The following SYNE2 variants were observed in gnomAD, a reference collection of about 807,000 sequenced individuals.
SYNE2 encodes the protein spectrin repeat containing nuclear envelope protein 2, also known as nesprin-2.
Under a neutral mutation model 856.3 loss-of-function variants are expected in SYNE2, and 431 were observed. The ratio of observed to expected loss-of-function variants is 0.50; its 90% CI spans 0.47 to 0.55. SYNE2 has a LOEUF of 0.55. SYNE2 is among the 20% of genes least tolerant of loss of function. The pLI, the probability that SYNE2 is intolerant of heterozygous loss-of-function variation, is 0.00. For missense variants in SYNE2, 8,129 were observed against 8,023.2 expected, an observed-to-expected ratio of 1.01 and a Z score of -0.50; for synonymous variants, 2,923 against 2,872.3, an observed-to-expected ratio of 1.02 and a Z score of -0.56.
intron 38 of SYNE2, chr14:64,023,468 T>TA (rs1172771055): frequency 1.3e-5 from 2 of 152,630 alleles, no homozygotes; most frequent in East Asian, 1.9e-4. Flanking sequence ...TCATATTTGA[T>TA]AAAAAATAAA....
intron 68 of SYNE2, 66 bp from the exon 69 acceptor site, chr14:64,121,946 G>C: frequency 6.2e-7 from 1 of 1,602,406 alleles, no homozygotes; most frequent in Non-Finnish European, 8.5e-7. Context: ...TCTCAGCAGA[G>C]GAAACTAGTG....
At chr14:64,215,976 C>G in intron 107 of SYNE2, 1 of 1,389,652 alleles carries the variant, frequency 7.2e-7, no homozygotes, top group Non-Finnish European at 9.4e-7. Context: ...CTCAGTGTCC[C>G]TACCACTCGA....
At position 64,159,444 on chromosome 14, in the gene SYNE2, T is replaced by C. The variant is rs745440923; in HGVS notation, c.16094+2T>C. ...GAAATGCCAAAATACTCATAAAAGGTATGCTTTCAGATATAATTTGAATGA... is the reference window on the plus strand; with the variant it reads ...GAAATGCCAAAATACTCATAAAAGGCATGCTTTCAGATATAATTTGAATGA... On this transcript the variant is annotated splice_donor_variant, in intron 87 of 115. Coordinates refer to ENST00000555002, the MANE Select transcript of SYNE2 (RefSeq NM_182914.3). LOFTEE classifies it high-confidence loss of function. 6.2e-7 allele frequency: 1 copy of C among 1,613,416 alleles called. No homozygotes were observed. The highest frequency in any genetic ancestry group is 2.2e-5 in the East Asian group (1 of 44,866).
chr14:63,975,638 C>A (rs2096536373), intron 11 of SYNE2, among the ~76,000 whole-genome samples: 2 of 152,154 alleles, frequency 1.3e-5, no homozygotes, highest in African/African-American at 4.8e-5. Context: ...CCAACCTGTA[C>A]ATGTATTTTT....
At chr14:64,024,001 T>C (rs1433218082) in intron 38 of SYNE2, 12 of 432,088 alleles carry the variant, frequency 2.8e-5, no homozygotes, top group Non-Finnish European at 4.8e-5. Context: ...GATAGGAAAA[T>C]GTAGCTGTCC....
chr14:64,100,531 A>AAAT (rs1491537041), intron 63 of SYNE2, among the ~76,000 whole-genome samples: 30 of 39,460 alleles, frequency 7.6e-4, no homozygotes, highest in Non-Finnish European at 7.0e-4. Context: ...AAAAAAAAAA[A>AAAT]ATATATATAT....
chr14:64,134,339 C>T (rs899380807), intron 78 of SYNE2, 139 bp downstream of exon 78: 4 of 937,662 alleles, frequency 4.3e-6, no homozygotes, highest in Non-Finnish European at 5.2e-6. Context: ...TGAATGTATT[C>T]AGGGAGACTA....
intron 103 of SYNE2, 71 bp downstream of exon 103, chr14:64,210,195 C>T (rs556311328): frequency 6.5e-7 from 1 of 1,541,588 alleles, no homozygotes; most frequent in South Asian, 1.2e-5. Flanking sequence ...CAATGGCAGG[C>T]TTGTGGCACA....
In SYNE2 at chr14:64,003,317, G is replaced by A; in HGVS notation, c.4384G>A (p.Ala1462Thr). 3 of 1,614,072 alleles carry A rather than the reference G, an allele frequency of 1.9e-6. No individual in the cohort carries two copies. The highest frequency in any genetic ancestry group is 2.5e-6 in the Non-Finnish European group (3 of 1,180,014). ...KIGLKDPTVP[A>T]VKHRKKSLIR... The stretch of plus-strand genomic sequence containing the variant: ...TGGTCTTAAGGATCCTACTGTTCCA[G>A]CTGTGAAACATCGGTAAGTATTGTC... The change falls in exon 30 of 116, where the codon GCT becomes ACT. Residue 1462 changes from alanine to threonine, a missense_variant. Around this residue, in one of 3 missense-constraint regions of SYNE2, gnomAD observed 2,422 missense variants for 2,357.4 expected, o/e 1.03. Coordinates refer to ENST00000555002, the MANE Select transcript of SYNE2 (RefSeq NM_182914.3).
intron 37 of SYNE2, 139 bp from the exon 38 acceptor site, chr14:64,022,610 CAA>C (rs2096943960): frequency 1.5e-6 from 1 of 684,086 alleles, no homozygotes; most frequent in Admixed American, 2.2e-5. Context: ...TATTAGCCCT[CAA>C]AATTGGGTTT....
rs373553226 is a variant in SYNE2 at position 63,945,388 on chromosome 14, G to A, written c.408+3245G>A. On this transcript the variant is annotated intron_variant, in intron 6 of 115. Coordinates refer to ENST00000555002, the MANE Select transcript of SYNE2 (RefSeq NM_182914.3). ...GTAGAGTCTTTAACACCATACAAAT[G>A]GAATTATAAATGTCTTCTCTTATGT... 4.6e-5 allele frequency among the ~76,000 whole-genome samples: 7 copies of A among 151,978 alleles called. No homozygotes were observed. The South Asian group carries it at 1.0e-3, about 23-fold the overall frequency.
rs2153627550 is a variant in SYNE2, at chr14:64,091,019, G to A, written c.11947G>A (p.Val3983Met). 6.2e-7 allele frequency: 1 copy of A among 1,614,094 alleles called. No individual in the cohort carries two copies. The highest frequency in any genetic ancestry group is 8.5e-7 in the Non-Finnish European group (1 of 1,179,958). Residue 3983 changes from valine to methionine, a missense_variant, in exon 60 of 116, where the codon GTG becomes ATG. By Grantham distance (21) the Val-to-Met change is conservative. This residue lies in a region of SYNE2 where 5,410 missense variants were observed against 5,284.8 expected (regional missense o/e 1.02). Coordinates refer to ENST00000555002, the MANE Select transcript of SYNE2 (RefSeq NM_182914.3). Reference sequence around the variant, plus strand: ...ACAAGATATAAAACTATTGGAAAATGTGACTCAAGAACAAAATGAGTTATT... The same window carrying A: ...ACAAGATATAAAACTATTGGAAAATATGACTCAAGAACAAAATGAGTTATT... ...LLQDIKLLEN[V>M]TQEQNELLKV...
At position 64,216,170 on chromosome 14, in the gene SYNE2, A is replaced by T. The variant is rs1056864696; in HGVS notation, c.19403-78A>T. 14 of 1,606,630 alleles carry T rather than the reference A, an allele frequency of 8.7e-6. No homozygotes were observed. In the African/African-American group the frequency reaches 1.7e-4, roughly 20 times the overall value. On this transcript the variant is annotated intron_variant, in intron 107 of 115. Transcript: ENST00000555002. The stretch of plus-strand genomic sequence containing the variant: ...GGAAAGCTGCAGAACTCATTTTCAT[A>T]CTGTAACCTGATGCCATGTCACCCG...
chr14:64,019,213 C>T (rs1326133991), intron 34 of SYNE2, among the ~76,000 whole-genome samples: 1 of 150,314 alleles, frequency 6.7e-6, no homozygotes, highest in Non-Finnish European at 1.5e-5. Context: ...GCAGAGGTTA[C>T]AGTGAGCAGA....
chr14:64,225,526 G>GA lies in SYNE2; in HGVS notation c.*1dup, dbSNP rs1311085131. ...ACACCAATGGGCCACCCCCCACATA[G>GA]AGGGCATAGCTGGCCACAGTGCTAC... On this transcript the variant is annotated 3_prime_UTR_variant, in exon 116 of 116. Coordinates refer to ENST00000555002, the MANE Select transcript of SYNE2 (RefSeq NM_182914.3). 1.2e-6 allele frequency: 2 copies of GA among 1,613,880 alleles called. No individual in the cohort carries two copies. Among genetic ancestry groups the GA allele is most frequent in the Admixed American group, 3.3e-5 (2 of 59,958 alleles).
intron 21 of SYNE2, 43 bp downstream of exon 21, chr14:63,991,158 A>G (rs1199870764): frequency 1.3e-6 from 2 of 1,580,920 alleles, no homozygotes; most frequent in African/African-American, 2.7e-5. Context: ...ATTATTGTTA[A>G]CTGCCTATCT....
At chr14:64,014,617 C>T (rs1052817313) in intron 32 of SYNE2, among the ~76,000 whole-genome samples, 6 of 151,930 alleles carry the variant, frequency 3.9e-5, no homozygotes, top group Admixed American at 6.6e-5. Flanking sequence ...TTAGTAGAGA[C>T]GGGATTTCAC....
chr14:64,018,062 A>G (rs118048311), intron 34 of SYNE2, among the ~76,000 whole-genome samples: 75 of 152,196 alleles, frequency 4.9e-4, no homozygotes, highest in Non-Finnish European at 6.3e-4. Context: ...TTGTAATTCT[A>G]CCTTATTTAG....
At chr14:63,818,635 T>G (rs2139856119) in intron 1 of SYNE2, among the ~76,000 whole-genome samples, 1 of 151,976 alleles carries the variant, frequency 6.6e-6, no homozygotes, top group Non-Finnish European at 1.5e-5. Context: ...TGGTAAAAGA[T>G]TAAAGGTTTT....
Sources: gnomAD v4.1 joint callset for allele counts (sites outside exome capture counted in the v4.1 genomes callset) on GRCh38, gnomAD v4.1.1 for gene constraint, gnomAD v4.1.1 regional missense constraint, MANE v1.5 for transcripts, NCBI Gene and HGNC (gene_info 2026-07-23, HGNC 2026-07-21) for gene names.